Variants in C2CD3 observed in about 807,000 individuals in gnomAD.
C2CD3 encodes C2 domain-containing protein 3.
In C2CD3, 148 loss-of-function variants were observed where a neutral mutation model predicts 234.0. The observed-to-expected ratio is 0.63, with a 90% CI of 0.55 to 0.72. C2CD3 has a LOEUF of 0.72. Among genes scored for constraint, C2CD3 ranks in the 30% least tolerant of loss-of-function variants. The probability of loss-of-function intolerance (pLI) is 0.00; values close to 1 mark genes in which losing one functional copy is unlikely to be tolerated. For synonymous variants in C2CD3, 1,000 were observed against 1,035.4 expected (o/e 0.97, Z 0.66); for missense variants, 2,577 against 2,811.5 (o/e 0.92, Z 1.89).
intron 22 of C2CD3, among the ~76,000 whole-genome samples, chr11:74,079,163 C>G (rs1040221100): frequency 2.0e-5 from 3 of 152,192 alleles, no homozygotes; most frequent in African/African-American, 7.2e-5. Flanking sequence ...CAAAAGAGAT[C>G]TGGGGTCTAG....
At chr11:74,158,862 G>A (rs1856232357) in intron 3 of C2CD3, among the ~76,000 whole-genome samples, 1 of 152,194 alleles carries the variant, frequency 6.6e-6, no homozygotes, top group South Asian at 2.1e-4. Context: ...ACAAATGATG[G>A]TGAGGATGTG....
intron 2 of C2CD3, among the ~76,000 whole-genome samples, chr11:74,167,001 T>G (rs1307785265): frequency 6.6e-6 from 1 of 152,156 alleles, no homozygotes; most frequent in Non-Finnish European, 1.5e-5. Context: ...TGTCTAGATG[T>G]CAACCCGTTC....
rs114314576 is a variant in C2CD3 at position 74,132,892 on chromosome 11, C to T, written c.1169G>A (p.Arg390Lys). ...TCTGGTATCAGCTTTTGTGTCATGT[C>T]TCCAAAATGTATTCTCAGTTGAAGG... Reference protein sequence around the residue: ...LLPSTENTFWRHDTKADTRAI... With the variant: ...LLPSTENTFWKHDTKADTRAI... The change falls in exon 7 of 33, where the codon AGA becomes AAA. Residue 390 changes from arginine to lysine, a missense_variant. Arg to Lys is a conservative substitution (Grantham distance 26, BLOSUM62 2). Transcript: ENST00000334126. 1.6e-3 allele frequency: 2,557 copies of T among 1,613,868 alleles called. 23 individuals are homozygous for T. The African/African-American group carries it at 0.029, about 18-fold the overall frequency.
chr11:74,043,502 A>G (rs187526895), intron 28 of C2CD3, among the ~76,000 whole-genome samples: 54 of 149,076 alleles, frequency 3.6e-4, no homozygotes, highest in Non-Finnish European at 6.5e-4. Context: ...ATAAAACTAG[A>G]AGCAGAATTA....
At chr11:74,141,429 C>A (rs1040974759) in intron 3 of C2CD3, among the ~76,000 whole-genome samples, 7 of 152,220 alleles carry the variant, frequency 4.6e-5, no homozygotes, top group Non-Finnish European at 1.0e-4. Context: ...CCATTCATCA[C>A]TTGCCAAAGA....
At chr11:74,095,619 T>C (rs1035844955) in intron 16 of C2CD3, among the ~76,000 whole-genome samples, 1 of 152,192 alleles carries the variant, frequency 6.6e-6, no homozygotes, top group Admixed American at 6.5e-5. Context: ...GGGTTAATAT[T>C]AGGAAATCCA....
chr11:74,068,710 A>T (rs762372517), intron 24 of C2CD3, among the ~76,000 whole-genome samples: 15 of 152,176 alleles, frequency 9.9e-5, no homozygotes, highest in Non-Finnish European at 2.1e-4. Flanking sequence ...AGTGCTCTCA[A>T]ACCACCTTCC....
intron 30 of C2CD3, chr11:74,034,742 C>T (rs1278490688): frequency 1.8e-5 from 14 of 775,164 alleles, no homozygotes; most frequent in South Asian, 3.0e-5. Flanking sequence ...AAGATTTACA[C>T]AGAAAATAGA....
chr11:74,059,224 C>G (rs960706270), intron 24 of C2CD3, among the ~76,000 whole-genome samples: 1 of 151,868 alleles, frequency 6.6e-6, no homozygotes, highest in Non-Finnish European at 1.5e-5. Context: ...TCCTGCCTAA[C>G]ATGGTGAAAC....
intron 7 of C2CD3, among the ~76,000 whole-genome samples, chr11:74,125,524 A>G (rs554760462): frequency 6.6e-6 from 1 of 152,186 alleles, no homozygotes; most frequent in East Asian, 1.9e-4. Context: ...TGTATGATCT[A>G]TGAACTTCCT....
intron 24 of C2CD3, among the ~76,000 whole-genome samples, chr11:74,071,584 C>T (rs180757725): frequency 2.0e-5 from 3 of 152,314 alleles, no homozygotes; most frequent in Non-Finnish European, 4.4e-5. Context: ...ATTGTAATCT[C>T]TTCAAACTAT....
chr11:74,063,947 T>C (rs1195884177), intron 24 of C2CD3, among the ~76,000 whole-genome samples: 4 of 152,106 alleles, frequency 2.6e-5, no homozygotes, highest in Non-Finnish European at 4.4e-5. Flanking sequence ...ATGTGCACAA[T>C]GTGCAGGTTT....
Position 74,103,632 on chromosome 11 carries a change from A to G in C2CD3, c.2086-7T>C. On this transcript the variant is annotated splice_polypyrimidine_tract_variant and splice_region_variant and intron_variant, in intron 13 of 32. Transcript: ENST00000334126. Reference sequence around the variant, plus strand: ...TAATAAGCTCCATGGTTACCTGTAAAACACAAAAGGAGAAGAGTCAATAAG... The same window carrying G: ...TAATAAGCTCCATGGTTACCTGTAAGACACAAAAGGAGAAGAGTCAATAAG... 1 of 1,602,182 alleles carries G rather than the reference A, an allele frequency of 6.2e-7. No individual in the cohort carries two copies. Among genetic ancestry groups the G allele is most frequent in the Non-Finnish European group, 8.5e-7 (1 of 1,175,056 alleles).
At position 74,133,461 on chromosome 11, in the gene C2CD3, G is replaced by T; in HGVS notation, c.1052C>A (p.Pro351His). 1 of 1,613,526 alleles carries T rather than the reference G, an allele frequency of 6.2e-7. No homozygotes were observed. Among genetic ancestry groups the T allele is most frequent in the Non-Finnish European group, 8.5e-7 (1 of 1,179,496 alleles). Residue 351 changes from proline to histidine, a missense_variant, in exon 6 of 33, where the codon CCT becomes CAT. Transcript: ENST00000334126. ...ETSMLLDQVHPPINEDSLRAS... is the reference protein window; with the variant it reads ...ETSMLLDQVHHPINEDSLRAS... ...TCTAAGAGAATCTTCATTAATAGGA[G>T]GATGAACTTGGTCCAACAACATGCT...
intron 24 of C2CD3, among the ~76,000 whole-genome samples, chr11:74,064,615 A>T (rs1954417679): frequency 6.6e-6 from 1 of 152,220 alleles, no homozygotes; most frequent in East Asian, 1.9e-4. Flanking sequence ...CATTGCCAAG[A>T]CAATCCTACG....
At chr11:74,058,399 G>T (rs1954056455) in intron 24 of C2CD3, among the ~76,000 whole-genome samples, 1 of 151,936 alleles carries the variant, frequency 6.6e-6, no homozygotes, top group Non-Finnish European at 1.5e-5. Flanking sequence ...AACCCTATAA[G>T]ATAGCTATTT....
intron 24 of C2CD3, among the ~76,000 whole-genome samples, chr11:74,069,766 G>C (rs1954711947): frequency 6.6e-6 from 1 of 152,106 alleles, no homozygotes; most frequent in Non-Finnish European, 1.5e-5. Context: ...CTTTGGCCTG[G>C]AGTGAATGGA....
At chr11:74,138,533 A>G (rs1036724061) in intron 5 of C2CD3, among the ~76,000 whole-genome samples, 187 bp downstream of exon 5, 2 of 152,206 alleles carry the variant, frequency 1.3e-5, no homozygotes, top group African/African-American at 2.4e-5. Flanking sequence ...GTAATTATTC[A>G]GAAATACCTT....
chr11:74,034,550 C>A (rs757032395), intron 30 of C2CD3: 1 of 1,613,460 alleles, frequency 6.2e-7, no homozygotes, highest in South Asian at 1.1e-5. Context: ...GCTCAGGAAT[C>A]GTTGGGAGCT....
Sources: allele counts gnomAD v4.1 joint callset (sites outside exome capture counted in the v4.1 genomes callset), GRCh38; gene constraint gnomAD v4.1.1; transcripts MANE v1.5; gene names NCBI Gene and HGNC (gene_info 2026-07-23, HGNC 2026-07-21).